The following FOXP2 variants were observed in gnomAD, a reference collection of about 807,000 sequenced individuals.
The protein encoded by FOXP2 is forkhead box P2.
FOXP2 carries 12 observed loss-of-function variants against 115.8 expected under a neutral mutation model. The observed-to-expected ratio is 0.10, with a 90% CI of 0.07 to 0.17. The LOEUF (loss-of-function observed/expected upper bound fraction) is 0.17, where lower values mean the gene tolerates loss of function less well. Among genes scored for constraint, FOXP2 ranks in the 10% least tolerant of loss-of-function variants. FOXP2 has a pLI of 1.00. For synonymous variants in FOXP2, 328 were observed against 297.7 expected, an observed-to-expected ratio of 1.10 and a Z score of -1.05; for missense variants, 629 against 843.5, an observed-to-expected ratio of 0.75 and a Z score of 3.15.
chr7:114,610,696 G>T (rs1803579843), intron 3 of FOXP2, among the ~76,000 whole-genome samples: 1 of 151,618 alleles, frequency 6.6e-6, no homozygotes, highest in Admixed American at 6.6e-5. Context: ...TGTTTTTGAG[G>T]TAGAGTCTTG....
At chr7:114,364,644 G>A (rs1424155730) in intron 2 of FOXP2, among the ~76,000 whole-genome samples, 1 of 152,070 alleles carries the variant, frequency 6.6e-6, no homozygotes, top group African/African-American at 2.4e-5. Context: ...GACAAATAAT[G>A]TGCACTTTGT....
intron 2 of FOXP2, among the ~76,000 whole-genome samples, chr7:114,449,863 T>C (rs1026558437): frequency 6.6e-6 from 1 of 152,058 alleles, no homozygotes; most frequent in African/African-American, 2.4e-5. Context: ...GTTGCAAAAA[T>C]TTACTTTACA....
At chr7:114,233,063 T>G (rs1395799949) in intron 1 of FOXP2, among the ~76,000 whole-genome samples, 2 of 152,158 alleles carry the variant, frequency 1.3e-5, no homozygotes, top group Non-Finnish European at 2.9e-5. Context: ...AGTCATGCAG[T>G]ATGAATACAT....
At chr7:114,338,535 A>G (rs1270273199) in intron 2 of FOXP2, among the ~76,000 whole-genome samples, 1 of 151,150 alleles carries the variant, frequency 6.6e-6, no homozygotes, top group South Asian at 2.1e-4. Context: ...AAAATCATCA[A>G]TGTCATGTTT....
intron 2 of FOXP2, among the ~76,000 whole-genome samples, chr7:114,300,327 C>T (rs965805954): frequency 1.3e-4 from 20 of 151,694 alleles, no homozygotes; most frequent in African/African-American, 4.8e-4. Flanking sequence ...AATGCAGGTG[C>T]GAAGCACTAT....
intron 1 of FOXP2, among the ~76,000 whole-genome samples, chr7:114,189,866 G>T (rs1793711249): frequency 2.0e-5 from 3 of 152,026 alleles, no homozygotes; most frequent in Admixed American, 1.3e-4. Context: ...ATAATTGATT[G>T]CTTGTAGTCT....
At chr7:114,334,777 C>A (rs2129183448) in intron 2 of FOXP2, among the ~76,000 whole-genome samples, 1 of 150,958 alleles carries the variant, frequency 6.6e-6, no homozygotes, top group East Asian at 2.0e-4. Context: ...GTATTTACTT[C>A]ATTTATGAAG....
intron 2 of FOXP2, among the ~76,000 whole-genome samples, chr7:114,351,125 T>G (rs1214510436): frequency 3.9e-5 from 6 of 152,166 alleles, no homozygotes; most frequent in Non-Finnish European, 8.8e-5. Context: ...AATCCATAAG[T>G]GCAGAACCCA....
At chr7:114,606,374 C>G (rs1486519857) in intron 3 of FOXP2, among the ~76,000 whole-genome samples, 1 of 152,186 alleles carries the variant, frequency 6.6e-6, no homozygotes, top group East Asian at 1.9e-4. Context: ...AGCCAACTCA[C>G]AGTCAAACTA....
chr7:114,294,559 A>G (rs1417007296), intron 2 of FOXP2, among the ~76,000 whole-genome samples: 2 of 152,216 alleles, frequency 1.3e-5, no homozygotes, highest in East Asian at 3.9e-4. Context: ...ATAAATTCTC[A>G]GCTGGGTGTG....
intron 3 of FOXP2, among the ~76,000 whole-genome samples, chr7:114,583,793 T>A (rs1801986011): frequency 1.3e-5 from 2 of 152,220 alleles, no homozygotes; most frequent in Non-Finnish European, 2.9e-5. Context: ...TCCTACATCA[T>A]TTTTACCAAA....
At chr7:114,551,343 C>G (rs1320735501) in intron 3 of FOXP2, among the ~76,000 whole-genome samples, 2 of 152,074 alleles carry the variant, frequency 1.3e-5, no homozygotes, top group East Asian at 3.9e-4. Flanking sequence ...GATAAAAATT[C>G]AGAATAATAA....
intron 2 of FOXP2, among the ~76,000 whole-genome samples, chr7:114,445,040 G>A (rs1018971073): frequency 1.3e-4 from 19 of 151,818 alleles, no homozygotes; most frequent in African/African-American, 4.1e-4. Flanking sequence ...CATTTTTTTA[G>A]AGCCAGTGGC....
chr7:114,687,875 A>G (rs1249821580), intron 16 of FOXP2, among the ~76,000 whole-genome samples: 1 of 152,058 alleles, frequency 6.6e-6, no homozygotes, highest in Non-Finnish European at 1.5e-5. Flanking sequence ...TAAATTTTAA[A>G]TTTTTCTGTG....
chr7:114,102,696 C>CCACACACACACACACACACACACA (rs10624558), intron 1 of FOXP2, among the ~76,000 whole-genome samples: 30 of 136,466 alleles, frequency 2.2e-4, no homozygotes, highest in African/African-American at 8.0e-4. Context: ...ACACCACACA[C>CCACACACACACACACACACACACA]CACACACACA....
Position 114,484,671 on chromosome 7 carries a change from C to A in FOXP2, c.169-49946C>A, listed in dbSNP as rs369384179. Among the ~76,000 whole-genome samples, 64 of 151,870 alleles carry A rather than the reference C, an allele frequency of 4.2e-4. No homozygotes were observed. In the South Asian group the frequency reaches 0.013, roughly 30 times the overall value. ...CTTTTTCATTTATTGTTAATTTTTGCATAAGAAATCATATCCTGAATTGCA... is the reference window on the plus strand; with the variant it reads ...CTTTTTCATTTATTGTTAATTTTTGAATAAGAAATCATATCCTGAATTGCA... On this transcript the variant is annotated intron_variant, in intron 2 of 16. Transcript: ENST00000350908.
At chr7:114,101,649 C>T (rs1358995533) in intron 1 of FOXP2, among the ~76,000 whole-genome samples, 1 of 149,740 alleles carries the variant, frequency 6.7e-6, no homozygotes, top group Admixed American at 6.7e-5. Context: ...TCTTCATTTT[C>T]TAGAATCCTT....
intron 2 of FOXP2, among the ~76,000 whole-genome samples, chr7:114,515,996 A>G (rs971228091): frequency 6.6e-5 from 10 of 152,198 alleles, no homozygotes; most frequent in Admixed American, 3.9e-4. Context: ...AAGGTAATTT[A>G]TAGATTCAAT....
chr7:114,464,957 A>G (rs1436613067), intron 2 of FOXP2, among the ~76,000 whole-genome samples: 2 of 152,176 alleles, frequency 1.3e-5, no homozygotes, highest in Non-Finnish European at 2.9e-5. Context: ...TCTTTTCCAA[A>G]TGTTCCAAAT....
Sources: gnomAD v4.1 joint callset for allele counts (sites outside exome capture counted in the v4.1 genomes callset) on GRCh38, gnomAD v4.1.1 for gene constraint, MANE v1.5 for transcripts, NCBI Gene and HGNC (gene_info 2026-07-23, HGNC 2026-07-21) for gene names.